NEK11: variants seen among roughly 807,000 people sequenced by gnomAD.
The protein encoded by NEK11 is serine/threonine-protein kinase Nek11.
Under a neutral mutation model 80.7 loss-of-function variants are expected in NEK11, and 72 were observed. That is an observed-to-expected ratio of 0.89 (90% confidence interval 0.74 to 1.08). The LOEUF (loss-of-function observed/expected upper bound fraction) is 1.08, where lower values mean the gene tolerates loss of function less well. Ranked by LOEUF, NEK11 falls within the 50% of genes least tolerant of loss-of-function variation. NEK11 has a pLI of 0.00. For synonymous variants in NEK11, 251 were observed against 260.7 expected (o/e 0.96, Z 0.36); for missense variants, 764 against 763.6 (o/e 1.00, Z -0.01).
At chr3:131,107,021 A>G (rs184547004) in intron 4 of NEK11, among the ~76,000 whole-genome samples, 9 of 152,270 alleles carry the variant, frequency 5.9e-5, no homozygotes, top group Non-Finnish European at 1.0e-4. Flanking sequence ...TCTCTAAGGA[A>G]TCTTTTAAAG....
intron 17 of NEK11, among the ~76,000 whole-genome samples, chr3:131,334,705 A>C (rs1231475377): frequency 6.6e-6 from 1 of 152,188 alleles, no homozygotes; most frequent in African/African-American, 2.4e-5. Context: ...GGATCAACAA[A>C]ATTGATAGAC....
intron 17 of NEK11, among the ~76,000 whole-genome samples, chr3:131,298,292 C>T (rs1206528773): frequency 3.5e-5 from 5 of 141,126 alleles, no homozygotes; most frequent in Admixed American, 1.4e-4. Flanking sequence ...TCTTCCTACC[C>T]ATGAGCATGG....
intron 7 of NEK11, among the ~76,000 whole-genome samples, chr3:131,140,031 G>T (rs1344070270): frequency 6.6e-6 from 1 of 152,142 alleles, no homozygotes; most frequent in Non-Finnish European, 1.5e-5. Context: ...TCCAAAAATG[G>T]CCATCATAAC....
intron 4 of NEK11, among the ~76,000 whole-genome samples, chr3:131,094,048 G>C (rs1440437006): frequency 6.7e-6 from 1 of 149,486 alleles, no homozygotes. Context: ...GAGATCTCCA[G>C]TGGATTTACT....
At chr3:131,309,132 C>T (rs1052522280) in intron 17 of NEK11, among the ~76,000 whole-genome samples, 3 of 152,136 alleles carry the variant, frequency 2.0e-5, no homozygotes, top group Non-Finnish European at 4.4e-5. Context: ...GACCCCTGCT[C>T]GAACGCACTA....
At chr3:131,338,115 C>T (rs370189835) in intron 17 of NEK11, among the ~76,000 whole-genome samples, 1 of 151,928 alleles carries the variant, frequency 6.6e-6, no homozygotes, top group Non-Finnish European at 1.5e-5. Flanking sequence ...TACAGGCACA[C>T]GCCGCCATGC....
chr3:131,278,170 C>T (rs1423432953), intron 17 of NEK11, among the ~76,000 whole-genome samples: 2 of 152,194 alleles, frequency 1.3e-5, no homozygotes, highest in African/African-American at 4.8e-5. Context: ...CAGACATTTG[C>T]CATTCTCCAA....
At chr3:131,153,574 C>T (rs568552677) in intron 9 of NEK11, among the ~76,000 whole-genome samples, 4 of 151,998 alleles carry the variant, frequency 2.6e-5, no homozygotes, top group Non-Finnish European at 4.4e-5. Context: ...TAATTTTATG[C>T]GTAACTTTAA....
chr3:131,109,278 GA>G (rs374883129), intron 4 of NEK11: 3 of 152,150 alleles, frequency 2.0e-5, no homozygotes, highest in African/African-American at 7.2e-5. Context: ...GAGAATAAGG[GA>G]GTAGGGAAGA....
chr3:131,128,582 A>C (rs1351650659), intron 5 of NEK11, among the ~76,000 whole-genome samples: 3 of 152,204 alleles, frequency 2.0e-5, no homozygotes, highest in Non-Finnish European at 4.4e-5. Flanking sequence ...GTTGCTTTCA[A>C]GTTTTGGCAA....
In NEK11 at chr3:131,180,781, G is replaced by A. The variant is rs547185705; in HGVS notation, c.1399+9894G>A. 2.4e-3 allele frequency among the ~76,000 whole-genome samples: 364 copies of A among 152,236 alleles called. 3 individuals are homozygous for A. Among genetic ancestry groups the A allele is most frequent in the African/African-American group, 8.0e-3 (332 of 41,556 alleles). On this transcript the variant is annotated intron_variant, in intron 14 of 17. Coordinates refer to ENST00000383366, the MANE Select transcript of NEK11 (RefSeq NM_024800.5). ...TATGATATGCCGTCTATTTTAAGAT[G>A]CATCTCCATTTCAGAGGTGTTCAAA...
rs1579117685 is a variant in NEK11, at chr3:131,149,370, T to C, written c.648-3018T>C. ...TTTATTTTCTTTATCCAGTCTACCG[T>C]TGATGGGCGTTGAGGTTGATTCCAT... is the stretch of plus-strand genomic sequence containing the variant. On this transcript the variant is annotated intron_variant, in intron 7 of 17. Coordinates refer to ENST00000383366, the MANE Select transcript of NEK11 (RefSeq NM_024800.5). Among the ~76,000 whole-genome samples the C allele has an allele frequency of 3.3e-5, 5 of 152,224 alleles. 1 individual carries two copies. The highest frequency in any genetic ancestry group is 2.1e-4 in the South Asian group (1 of 4,826).
chr3:131,214,311 C>T (rs777758906), intron 14 of NEK11, among the ~76,000 whole-genome samples: 21 of 152,264 alleles, frequency 1.4e-4, no homozygotes, highest in Admixed American at 3.3e-4. Flanking sequence ...CCATTCTACA[C>T]GTAAGACACC....
Position 131,035,714 on chromosome 3 carries a change from T to G in NEK11, c.170+5836T>G, listed in dbSNP as rs865930001. Among the ~76,000 whole-genome samples, 10 of 152,332 alleles carry G rather than the reference T, an allele frequency of 6.6e-5. No homozygotes were observed. In the South Asian group the frequency reaches 1.4e-3, roughly 22 times the overall value. ...TCCTTTGTGCACCCTCCCACCATTT[T>G]CTGGTAGAAGTTCTGGAGAAGCTGT... On this transcript the variant is annotated intron_variant, in intron 3 of 17. Transcript: ENST00000383366.
intron 14 of NEK11, among the ~76,000 whole-genome samples, chr3:131,198,808 G>T (rs1441445343): frequency 6.6e-6 from 1 of 152,234 alleles, no homozygotes; most frequent in Non-Finnish European, 1.5e-5. Context: ...AGCTGCTTCT[G>T]CCTCAGGTGT....
chr3:131,090,893 C>T (rs574527622), intron 4 of NEK11, among the ~76,000 whole-genome samples: 2 of 152,266 alleles, frequency 1.3e-5, no homozygotes, highest in African/African-American at 2.4e-5. Context: ...CGCTCGCAAG[C>T]AGCTGAGAAT....
intron 17 of NEK11, among the ~76,000 whole-genome samples, chr3:131,287,221 TG>T (rs1340220931): frequency 3.9e-5 from 6 of 152,308 alleles, no homozygotes; most frequent in African/African-American, 1.2e-4. Context: ...ATCATGGGAA[TG>T]GGACCCATGG....
chr3:131,056,658 C>T (rs909263056), intron 3 of NEK11, among the ~76,000 whole-genome samples: 5 of 152,074 alleles, frequency 3.3e-5, no homozygotes, highest in Admixed American at 3.3e-4. Flanking sequence ...GTGTCATATC[C>T]CTATTGGTCA....
In NEK11 at chr3:131,349,963, A is replaced by C; in HGVS notation, c.*187A>C. The C allele has an allele frequency of 3.4e-6, 2 of 593,414 alleles. No homozygotes were observed. The highest frequency in any genetic ancestry group is 6.0e-6 in the Non-Finnish European group (2 of 335,526). 36.8% of individuals were successfully genotyped at this position (593,414 alleles called of 1,614,324 possible). ...AGCATGGCTGCCTATGCTTGGAGTC[A>C]TAAGTGTTATTTGGACTATACCCTG... On this transcript the variant is annotated 3_prime_UTR_variant, in exon 18 of 18. Transcript: ENST00000383366.
Sources: gnomAD v4.1 joint callset for allele counts (sites outside exome capture counted in the v4.1 genomes callset) on GRCh38, gnomAD v4.1.1 for gene constraint, MANE v1.5 for transcripts, NCBI Gene and HGNC (gene_info 2026-07-23, HGNC 2026-07-21) for gene names.